STMND1: variants seen among roughly 807,000 people sequenced by gnomAD.
STMND1 encodes the protein stathmin domain containing 1.
STMND1 carries 17 observed loss-of-function variants against 23.0 expected under a neutral mutation model. That is an observed-to-expected ratio of 0.74 (90% CI 0.51 to 1.11). STMND1 has a LOEUF of 1.11. Among genes scored for constraint, STMND1 ranks in the 50% least tolerant of loss-of-function variants. The probability of loss-of-function intolerance (pLI) is 0.00; values close to 1 mark genes in which losing one functional copy is unlikely to be tolerated. For missense variants in STMND1, 305 were observed against 329.1 expected (o/e 0.93, Z 0.57); for synonymous variants, 114 against 119.9 (o/e 0.95, Z 0.32).
Position 17,130,973 on chromosome 6 carries a change from T to C in STMND1, c.*92T>C, listed in dbSNP as rs1229677938. On this transcript the variant is annotated 3_prime_UTR_variant, in exon 5 of 5. Transcript: ENST00000536551. The stretch of plus-strand genomic sequence containing the variant: ...CATATTCTTTGACTGACTGACCTCA[T>C]TCCACTGGGATTTCTGCCTTGGGCT... 8 of 1,220,614 alleles carry C rather than the reference T, an allele frequency of 6.6e-6. No individual in the cohort carries two copies. The highest frequency in any genetic ancestry group is 1.1e-6 in the Non-Finnish European group (1 of 900,138). 75.6% of individuals were successfully genotyped at this position (1,220,614 alleles called of 1,614,324 possible). A position where few individuals can be genotyped will look rare whatever the true frequency, so the allele number is the denominator to read the frequency against.
chr6:17,130,793 C>T lies in STMND1; in HGVS notation c.743C>T (p.Thr248Ile), dbSNP rs1334971368. The T allele has an allele frequency of 6.5e-7, 1 of 1,535,936 alleles. No individual in the cohort carries two copies. The highest frequency in any genetic ancestry group is 2.0e-5 in the Admixed American group (1 of 50,994). Residue 248 changes from threonine (T) to isoleucine (I), a missense_variant, in exon 5 of 5, where the codon ACC (threonine) becomes ATC (isoleucine). Physicochemically the swap from Thr to Ile is moderately conservative, Grantham distance 89. Transcript: ENST00000536551. ...LKRKKSKCDATLIDRNESDES... is the reference protein window; with the variant it reads ...LKRKKSKCDAILIDRNESDES... ...AGGAAGAAGAGTAAATGTGATGCAA[C>T]CTTGATTGATAGAAACGAAAGTGAT...
At chr6:17,109,595 A>T (rs1761072208) in intron 1 of STMND1, among the ~76,000 whole-genome samples, 1 of 152,228 alleles carries the variant, frequency 6.6e-6, no homozygotes, top group Non-Finnish European at 1.5e-5. Context: ...TTTTTCTTAA[A>T]GAAAATGTTT....
At chr6:17,125,153 C>CAAAA (rs5874593) in intron 3 of STMND1, among the ~76,000 whole-genome samples, 3 of 129,248 alleles carry the variant, frequency 2.3e-5, no homozygotes, top group Non-Finnish European at 4.8e-5. Flanking sequence ...GCCATTTCTA[C>CAAAA]AAAAAAAAAA....
intron 1 of STMND1, among the ~76,000 whole-genome samples, chr6:17,112,346 T>G (rs1274740334): frequency 6.6e-6 from 1 of 152,210 alleles, no homozygotes; most frequent in African/African-American, 2.4e-5. Context: ...GTACCACATT[T>G]TATTTATACA....
chr6:17,125,556 A>C (rs528004706), intron 3 of STMND1, among the ~76,000 whole-genome samples: 33 of 152,198 alleles, frequency 2.2e-4, no homozygotes, highest in Non-Finnish European at 1.6e-4. Flanking sequence ...GTACTTGGAG[A>C]GTTTGTTCAC....
Position 17,112,851 on chromosome 6 carries a change from T to C in STMND1, c.82-2111T>C, listed in dbSNP as rs180699785. The stretch of plus-strand genomic sequence containing the variant: ...TTTAATTTTTGAAGAGCTTTCAAAG[T>C]GTTTTCTAAAGAGCTGCACCATTTC... On this transcript the variant is annotated intron_variant, in intron 1 of 4. Transcript: ENST00000536551. 2.0e-3 allele frequency among the ~76,000 whole-genome samples: 310 copies of C among 152,290 alleles called. 3 individuals carry two copies. The highest frequency in any genetic ancestry group is 0.018 in the Admixed American group (281 of 15,298).
chr6:17,114,985 TG>T lies in STMND1; in HGVS notation c.109del (p.Glu37LysfsTer11), dbSNP rs1374163700. On this transcript the variant is annotated frameshift_variant, in exon 2 of 5. Transcript: ENST00000536551. LOFTEE classifies it high-confidence loss of function. ...AGGCTGATGTCAGTGTGCCTCATAC[TG>T]GGGAAAATTGCAGCCCCCGGATGGA... ...FKADVSVPHT[G>X]ENCSPRMEAA... 3.9e-6 allele frequency: 6 copies of T among 1,531,466 alleles called. No individual in the cohort carries two copies. In the East Asian group the frequency reaches 1.2e-4, roughly 31 times the overall value. The allele number at this position is 1,531,466 out of a possible 1,614,324, so 94.9% of individuals were successfully genotyped here. A position where few individuals can be genotyped will look rare whatever the true frequency, so the allele number is the denominator to read the frequency against.
chr6:17,110,192 A>C (rs1761078692), intron 1 of STMND1, among the ~76,000 whole-genome samples: 1 of 152,202 alleles, frequency 6.6e-6, no homozygotes, highest in East Asian at 1.9e-4. Context: ...AACAAGATAC[A>C]AACTTTTATC....
At chr6:17,109,410 GACAGACACCACCATA>G (rs1040681278) in intron 1 of STMND1, among the ~76,000 whole-genome samples, 1 of 152,190 alleles carries the variant, frequency 6.6e-6, no homozygotes, top group African/African-American at 2.4e-5. Flanking sequence ...ACCTGATCGT[GACAGACACCACCATA>G]ACCTAGCCAT....
At chr6:17,115,326 T>C (rs1171866337) in intron 2 of STMND1, among the ~76,000 whole-genome samples, 187 bp downstream of exon 2, 2 of 144,120 alleles carry the variant, frequency 1.4e-5, no homozygotes, top group Non-Finnish European at 3.0e-5. Context: ...GAGTAAATAA[T>C]GCTAAGCATT....
intron 3 of STMND1, among the ~76,000 whole-genome samples, chr6:17,122,813 C>T (rs1385770087): frequency 2.6e-5 from 4 of 151,896 alleles, no homozygotes; most frequent in African/African-American, 7.3e-5. Context: ...ATTTGCACAA[C>T]GCTAGCATGA....
At chr6:17,107,927 C>A (rs1468409227) in intron 1 of STMND1, among the ~76,000 whole-genome samples, 1 of 152,106 alleles carries the variant, frequency 6.6e-6, no homozygotes, top group Admixed American at 6.5e-5. Flanking sequence ...TATGTCTGGT[C>A]TTTAAACTAT....
Position 17,130,944 on chromosome 6 carries a change from G to T in STMND1, c.*63G>T. ...TCCCCATTTGTGACATTTGTAGTATGTCTCATATTCTTTGACTGACTGACC... is the reference window on the plus strand; with the variant it reads ...TCCCCATTTGTGACATTTGTAGTATTTCTCATATTCTTTGACTGACTGACC... On this transcript the variant is annotated 3_prime_UTR_variant, in exon 5 of 5. Coordinates refer to ENST00000536551, the MANE Select transcript of STMND1 (RefSeq NM_001190766.2). 1 of 1,414,716 alleles carries T rather than the reference G, an allele frequency of 7.1e-7. No individual in the cohort carries two copies. The highest frequency in any genetic ancestry group is 9.4e-7 in the Non-Finnish European group (1 of 1,065,674). The allele number at this position is 1,414,716 out of a possible 1,614,324, so 87.6% of individuals were successfully genotyped here.
intron 1 of STMND1, among the ~76,000 whole-genome samples, chr6:17,107,726 A>G (rs1023537693): frequency 2.0e-5 from 3 of 152,180 alleles, no homozygotes; most frequent in African/African-American, 7.2e-5. Flanking sequence ...CCTGCTGAGT[A>G]GCTGGGAATA....
At chr6:17,128,935 A>G (rs1278161921) in intron 3 of STMND1, 177 bp from the exon 4 acceptor site, 2 of 471,370 alleles carry the variant, frequency 4.2e-6, no homozygotes, top group Non-Finnish European at 7.3e-6. Context: ...CTGGCCTCAA[A>G]CTCCGGAGCT....
intron 1 of STMND1, among the ~76,000 whole-genome samples, chr6:17,107,256 G>T (rs1375504931): frequency 6.6e-6 from 1 of 152,048 alleles, no homozygotes; most frequent in East Asian, 1.9e-4. Flanking sequence ...AACAAATGTA[G>T]TACATCCATA....
At chr6:17,115,861 G>T (rs1761152876) in intron 2 of STMND1, among the ~76,000 whole-genome samples, 4 of 152,150 alleles carry the variant, frequency 2.6e-5, no homozygotes, top group Admixed American at 1.3e-4. Context: ...AAACAGATGG[G>T]TTCATACATG....
At chr6:17,124,866 G>T (rs1240714666) in intron 3 of STMND1, among the ~76,000 whole-genome samples, 5 of 151,802 alleles carry the variant, frequency 3.3e-5, no homozygotes, top group African/African-American at 1.2e-4. Flanking sequence ...GGGCATGGTG[G>T]TGTGCACCTG....
At chr6:17,130,062 T>A (rs1437982117) in intron 4 of STMND1, among the ~76,000 whole-genome samples, 1 of 152,170 alleles carries the variant, frequency 6.6e-6, no homozygotes, top group Non-Finnish European at 1.5e-5. Flanking sequence ...AAAAATTTCC[T>A]TTCTGTTGTA....
Sources: gnomAD v4.1 joint callset for allele counts (sites outside exome capture counted in the v4.1 genomes callset) on GRCh38, gnomAD v4.1.1 for gene constraint, MANE v1.5 for transcripts, NCBI Gene and HGNC (gene_info 2026-07-23, HGNC 2026-07-21) for gene names.